Variants in DOK7 observed in about 807,000 individuals in gnomAD.
DOK7 encodes protein Dok-7.
In DOK7, 32 loss-of-function variants were observed where a neutral mutation model predicts 30.7. The ratio of observed to expected loss-of-function variants is 1.04; its 90% CI spans 0.79 to 1.40. DOK7 has a LOEUF of 1.40. Ranked by LOEUF, DOK7 falls within the 40% of genes most tolerant of loss-of-function variation. DOK7 has a pLI of 0.00. For missense variants in DOK7, 1,007 were observed against 699.2 expected (o/e 1.44, Z -4.97); for synonymous variants, 447 against 324.1 (o/e 1.38, Z -4.07).
intron 6 of DOK7, among the ~76,000 whole-genome samples, chr4:3,490,082 AC>A (rs1368164724): frequency 7.5e-5 from 5 of 67,008 alleles, no homozygotes; most frequent in East Asian, 5.0e-4. Flanking sequence ...TCCTTTCTTC[AC>A]CCCCTCATTC....
chr4:3,492,920 G>A lies in DOK7; in HGVS notation c.934G>A (p.Val312Met). 1 of 1,566,486 alleles carries A rather than the reference G, an allele frequency of 6.4e-7. No homozygotes were observed. The highest frequency in any genetic ancestry group is 8.6e-7 in the Non-Finnish European group (1 of 1,159,170). The change falls in exon 7 of 7, where the codon GTG becomes ATG. Residue 312 changes from valine to methionine, a missense_variant. By Grantham distance (21) the Val-to-Met change is conservative (BLOSUM62 1). Coordinates refer to ENST00000340083, the MANE Select transcript of DOK7 (RefSeq NM_173660.5). Reference sequence around the variant, plus strand: ...TGCCCAGGCCGCCGGGGAAGCCATGGTGGGTGCCTCAAGGCCACCCCCCAA... The same window carrying A: ...TGCCCAGGCCGCCGGGGAAGCCATGATGGGTGCCTCAAGGCCACCCCCCAA... The part of the protein sequence containing the change: ...AAAQAAGEAM[V>M]GASRPPPKPL...
intron 2 of DOK7, 87 bp downstream of exon 2, chr4:3,463,638 A>C: frequency 1.4e-6 from 2 of 1,468,262 alleles, no homozygotes; most frequent in South Asian, 1.2e-5. Context: ...CTTGCCCAAA[A>C]TCGCCGCCGC....
At chr4:3,496,641 G>GCCA (rs1247945972), downstream of DOK7, among the ~76,000 whole-genome samples, 3 of 152,080 alleles carry the variant, frequency 2.0e-5, no homozygotes, top group Non-Finnish European at 4.4e-5. Context: ...TGGGGGCTGT[G>GCCA]GGGCAAAGGG....
At chr4:3,479,312 C>A (rs149028919) in intron 4 of DOK7, among the ~76,000 whole-genome samples, 3 of 152,256 alleles carry the variant, frequency 2.0e-5, no homozygotes, top group African/African-American at 7.2e-5. Context: ...GACCCCATCC[C>A]GAGACCATCA....
chr4:3,470,719 C>G (rs928349255), intron 2 of DOK7, among the ~76,000 whole-genome samples: 3 of 152,250 alleles, frequency 2.0e-5, no homozygotes, highest in Non-Finnish European at 2.9e-5. Flanking sequence ...GCCATTCCCA[C>G]ACGTGTCATC....
chr4:3,489,846 CAGG>C (rs1728084831), intron 6 of DOK7, 50 bp downstream of exon 6: 2 of 1,547,090 alleles, frequency 1.3e-6, no homozygotes, highest in Non-Finnish European at 8.7e-7. Context: ...AAGCCTCCAG[CAGG>C]AGAGCTCAGG....
downstream of DOK7, among the ~76,000 whole-genome samples, chr4:3,495,795 CA>C (rs1041583992): frequency 9.9e-5 from 15 of 152,154 alleles, no homozygotes; most frequent in South Asian, 6.2e-4. Flanking sequence ...CGCCTGCCCC[CA>C]CCGGGAGCAG....
chr4:3,489,574 T>A, intron 5 of DOK7, 103 bp from the exon 6 acceptor site: 1 of 1,536,694 alleles, frequency 6.5e-7, no homozygotes, highest in Non-Finnish European at 8.8e-7. Flanking sequence ...GGACTGCCAC[T>A]CCACAGAGGG....
downstream of DOK7, among the ~76,000 whole-genome samples, chr4:3,498,902 G>A (rs376922575): frequency 9.2e-5 from 14 of 152,222 alleles, no homozygotes; most frequent in South Asian, 2.1e-4. Flanking sequence ...TCAGGTGAGC[G>A]AACCCTCGTC....
At chr4:3,485,278 T>C (rs1370487665) in intron 4 of DOK7, 1 of 413,722 alleles carries the variant, frequency 2.4e-6, no homozygotes, top group East Asian at 3.9e-5. Context: ...CGCCCAAGTT[T>C]GAAGGGTGCG....
chr4:3,500,152 G>A (rs1170030734), intron 6 of DOK7: 7 of 1,394,384 alleles, frequency 5.0e-6, no homozygotes, highest in African/African-American at 1.4e-5. Context: ...GGAGTGGGGA[G>A]GAGGGGCTAG....
downstream of DOK7, among the ~76,000 whole-genome samples, chr4:3,495,474 C>G (rs1728855442): frequency 6.6e-6 from 1 of 152,252 alleles, no homozygotes; most frequent in Non-Finnish European, 1.5e-5. Flanking sequence ...GGCTGGGCCC[C>G]TGGACAGCCT....
chr4:3,490,575 CTCT>C (rs1286046799), intron 6 of DOK7, among the ~76,000 whole-genome samples: 12 of 50,492 alleles, frequency 2.4e-4, no homozygotes, highest in Admixed American at 5.8e-4. Context: ...TTTTTTCCTT[CTCT>C]CTCTGCTCAT....
intron 6 of DOK7, 80 bp from the exon 7 acceptor site, chr4:3,492,678 TG>T (rs532097176): frequency 2.5e-6 from 4 of 1,574,644 alleles, no homozygotes; most frequent in Non-Finnish European, 3.4e-6. Flanking sequence ...TGCTGGCCTG[TG>T]GGGGTCCACC....
intron 6 of DOK7, 80 bp downstream of exon 6, chr4:3,489,876 G>A: frequency 6.6e-7 from 1 of 1,524,934 alleles, no homozygotes; most frequent in Non-Finnish European, 8.8e-7. Flanking sequence ...CCATGCATGT[G>A]TGGGGGCTGC....
chr4:3,464,330 G>T (rs1362083173), intron 2 of DOK7, among the ~76,000 whole-genome samples: 1 of 152,170 alleles, frequency 6.6e-6, no homozygotes, highest in Non-Finnish European at 1.5e-5. Context: ...GTGGGGCAGG[G>T]ATCCCTCCTG....
chr4:3,477,191 T>C (rs1727149243), intron 4 of DOK7, among the ~76,000 whole-genome samples: 1 of 152,260 alleles, frequency 6.6e-6, no homozygotes, highest in Non-Finnish European at 1.5e-5. Context: ...CCCCTCCACT[T>C]TCTCCCATGT....
chr4:3,493,902 T>A lies in DOK7; in HGVS notation c.*401T>A. On this transcript the variant is annotated 3_prime_UTR_variant, in exon 7 of 7. Coordinates refer to ENST00000340083, the MANE Select transcript of DOK7 (RefSeq NM_173660.5). ...TCACGCCCCCTTCGGGGGTGGCCGG[T>A]TCTCCCCATCACCTCTCTGGGGCAG... 9.4e-7 allele frequency: 1 copy of A among 1,062,172 alleles called. No individual in the cohort carries two copies. Among genetic ancestry groups the A allele is most frequent in the Non-Finnish European group, 1.1e-6 (1 of 879,974 alleles). 65.8% of individuals were successfully genotyped at this position (1,062,172 alleles called of 1,614,324 possible). A position where few individuals can be genotyped will look rare whatever the true frequency, so the allele number is the denominator to read the frequency against.
chr4:3,485,712 C>A (rs959478137), intron 5 of DOK7, 54 bp downstream of exon 5: 3 of 1,450,922 alleles, frequency 2.1e-6, no homozygotes, highest in East Asian at 5.4e-5. Flanking sequence ...GGCTGTGCGA[C>A]GTCCCGGGGC....
Sources: allele counts gnomAD v4.1 joint callset (sites outside exome capture counted in the v4.1 genomes callset), GRCh38; gene constraint gnomAD v4.1.1; transcripts MANE v1.5; gene names NCBI Gene and HGNC (gene_info 2026-07-23, HGNC 2026-07-21).